Variants in KCNB2 observed in about 807,000 individuals in gnomAD.
KCNB2 encodes delayed rectifier potassium channel protein.
Under a neutral mutation model 61.5 loss-of-function variants are expected in KCNB2, and 15 were observed. The observed-to-expected ratio is 0.24, with a 90% confidence interval of 0.16 to 0.38. The LOEUF is 0.38. Ranked by LOEUF, KCNB2 falls within the 10% of genes least tolerant of loss-of-function variation. The pLI is 1.00. For synonymous variants in KCNB2, 457 were observed against 446.0 expected (o/e 1.02, Z -0.31); for missense variants, 828 against 1,125.2 (o/e 0.74, Z 3.78).
At chr8:72,932,648 G>A (rs949386709) in intron 2 of KCNB2, among the ~76,000 whole-genome samples, 2 of 152,144 alleles carry the variant, frequency 1.3e-5, no homozygotes. Context: ...TTATATAAGG[G>A]CATTGGCTTT....
chr8:72,900,784 T>A (rs1423056151), intron 2 of KCNB2, among the ~76,000 whole-genome samples: 1 of 151,920 alleles, frequency 6.6e-6, no homozygotes, highest in African/African-American at 2.4e-5. Context: ...AAATAAAAAC[T>A]ACAGTGAGAT....
chr8:72,678,479 C>T (rs550085918), intron 2 of KCNB2, among the ~76,000 whole-genome samples: 37 of 133,822 alleles, frequency 2.8e-4, no homozygotes, highest in African/African-American at 1.4e-3. Context: ...CCCAAGCATT[C>T]TAGAAAAGCA....
intron 2 of KCNB2, among the ~76,000 whole-genome samples, chr8:72,827,927 C>T (rs753348436): frequency 6.6e-6 from 1 of 151,964 alleles, no homozygotes; most frequent in Non-Finnish European, 1.5e-5. Context: ...ATTCTCCTGC[C>T]TCATCCTCCT....
intron 2 of KCNB2, among the ~76,000 whole-genome samples, chr8:72,733,575 A>T (rs1040179657): frequency 4.6e-5 from 7 of 152,288 alleles, no homozygotes; most frequent in Admixed American, 4.6e-4. Flanking sequence ...TGACTGTAAT[A>T]TAGGACTGTC....
At chr8:72,722,638 G>A (rs935041426) in intron 2 of KCNB2, among the ~76,000 whole-genome samples, 7 of 152,148 alleles carry the variant, frequency 4.6e-5, no homozygotes, top group Admixed American at 1.3e-4. Flanking sequence ...CTGCTCACCT[G>A]GGACAGTAAA....
At chr8:72,730,212 G>A (rs1262496053) in intron 2 of KCNB2, among the ~76,000 whole-genome samples, 1 of 152,118 alleles carries the variant, frequency 6.6e-6, no homozygotes, top group Non-Finnish European at 1.5e-5. Context: ...CTTGTTAAGG[G>A]CCAACTAGAG....
intron 2 of KCNB2, among the ~76,000 whole-genome samples, chr8:72,585,705 G>A (rs959121384): frequency 1.3e-5 from 2 of 152,052 alleles, no homozygotes; most frequent in Non-Finnish European, 2.9e-5. Flanking sequence ...ATCAATGATG[G>A]AAAAAAGAGA....
At chr8:72,607,639 G>A (rs1805473942) in intron 2 of KCNB2, among the ~76,000 whole-genome samples, 2 of 152,146 alleles carry the variant, frequency 1.3e-5, no homozygotes, top group South Asian at 2.1e-4. Flanking sequence ...TTTATGATCT[G>A]TTTAGAAAGT....
rs147899482 is a variant in KCNB2 at position 72,823,901 on chromosome 8, T to A, written c.580-112034T>A. ...TACTTACACCTCTAAGGGCTTTCCATGAAAGCCTATACCAGTTCTTCAAGG... is the reference window on the plus strand; with the variant it reads ...TACTTACACCTCTAAGGGCTTTCCAAGAAAGCCTATACCAGTTCTTCAAGG... On this transcript the variant is annotated intron_variant, in intron 2 of 2. Transcript: ENST00000523207. Among the ~76,000 whole-genome samples, 520 of 152,254 alleles carry A rather than the reference T, an allele frequency of 3.4e-3. 3 individuals are homozygous for A. Among genetic ancestry groups the A allele is most frequent in the Non-Finnish European group, 4.1e-3 (276 of 68,012 alleles).
intron 2 of KCNB2, among the ~76,000 whole-genome samples, chr8:72,665,675 T>C (rs1806458572): frequency 6.6e-6 from 1 of 152,230 alleles, no homozygotes; most frequent in Non-Finnish European, 1.5e-5. Context: ...GATTTCCCAG[T>C]GTGGAGACTA....
At chr8:72,682,042 G>A (rs796075561) in intron 2 of KCNB2, among the ~76,000 whole-genome samples, 33 of 152,314 alleles carry the variant, frequency 2.2e-4, no homozygotes, top group African/African-American at 7.7e-4. Flanking sequence ...ACTGTAACAA[G>A]AAGGGTTTTT....
chr8:72,699,409 T>C (rs762439790), intron 2 of KCNB2, among the ~76,000 whole-genome samples: 9 of 151,032 alleles, frequency 6.0e-5, no homozygotes, highest in Non-Finnish European at 1.3e-4. Flanking sequence ...GAAGTGTCTG[T>C]TCATACTCTT....
intron 2 of KCNB2, among the ~76,000 whole-genome samples, chr8:72,712,577 T>A (rs1479775772): frequency 6.6e-6 from 1 of 152,236 alleles, no homozygotes; most frequent in Non-Finnish European, 1.5e-5. Flanking sequence ...AAGCTTTACA[T>A]GTGTTATAGT....
At chr8:72,560,133 T>C (rs922420982) in intron 1 of KCNB2, among the ~76,000 whole-genome samples, 8 of 152,146 alleles carry the variant, frequency 5.3e-5, no homozygotes, top group Non-Finnish European at 1.0e-4. Context: ...GAATGATAAT[T>C]TAAAGTGTAT....
intron 2 of KCNB2, among the ~76,000 whole-genome samples, chr8:72,657,091 C>T (rs1806303465): frequency 1.3e-5 from 2 of 152,050 alleles, no homozygotes; most frequent in Admixed American, 6.6e-5. Context: ...ATTTATTGAC[C>T]TCCTCGGATA....
chr8:72,768,315 A>C (rs2128996975), intron 2 of KCNB2, among the ~76,000 whole-genome samples: 1 of 152,078 alleles, frequency 6.6e-6, no homozygotes, highest in South Asian at 2.1e-4. Flanking sequence ...CTGGGACTAC[A>C]GGCATGCACC....
intron 2 of KCNB2, among the ~76,000 whole-genome samples, chr8:72,602,866 GTTC>G (rs1207067075): frequency 1.3e-5 from 2 of 151,538 alleles, no homozygotes; most frequent in African/African-American, 4.9e-5. Context: ...CAGTAGAATA[GTTC>G]TTCTCCATCT....
chr8:72,773,240 G>A (rs189292767), intron 2 of KCNB2, among the ~76,000 whole-genome samples: 8 of 152,270 alleles, frequency 5.3e-5, no homozygotes, highest in Admixed American at 3.3e-4. Context: ...CTGCTAAGCT[G>A]CACGTCATGA....
intron 2 of KCNB2, among the ~76,000 whole-genome samples, chr8:72,598,608 A>C (rs1170965533): frequency 1.3e-5 from 2 of 152,214 alleles, no homozygotes; most frequent in Admixed American, 1.3e-4. Context: ...CAGGGCACTC[A>C]GGCAGGAGAA....
Sources: allele counts gnomAD v4.1 joint callset (sites outside exome capture counted in the v4.1 genomes callset), GRCh38; gene constraint gnomAD v4.1.1; transcripts MANE v1.5; gene names NCBI Gene and HGNC (gene_info 2026-07-23, HGNC 2026-07-21).